The following TAF4B variants were observed in gnomAD, a reference collection of about 807,000 sequenced individuals.
TAF4B encodes TATA-box binding protein associated factor 4b.
TAF4B carries 38 observed loss-of-function variants against 86.4 expected under a neutral mutation model. The ratio of observed to expected loss-of-function variants is 0.44; its 90% confidence interval spans 0.34 to 0.58. The LOEUF (loss-of-function observed/expected upper bound fraction) is 0.58, where lower values mean the gene tolerates loss of function less well. Ranked by LOEUF, TAF4B falls within the 20% of genes least tolerant of loss-of-function variation. TAF4B has a pLI of 0.02. For missense variants in TAF4B, 988 were observed against 1,027.6 expected (o/e 0.96, Z 0.53); for synonymous variants, 388 against 391.2 (o/e 0.99, Z 0.10).
At chr18:26,278,506 C>T (rs1303601117) in intron 5 of TAF4B, among the ~76,000 whole-genome samples, 2 of 151,860 alleles carry the variant, frequency 1.3e-5, no homozygotes, top group Non-Finnish European at 2.9e-5. Flanking sequence ...CAGGGTTTCA[C>T]TTTGTTACCC....
intron 1 of TAF4B, among the ~76,000 whole-genome samples, chr18:26,240,785 T>G (rs1487517959): frequency 6.6e-6 from 1 of 152,204 alleles, no homozygotes; most frequent in Non-Finnish European, 1.5e-5. Flanking sequence ...TTGAGAGTTT[T>G]TAGCATGAAG....
rs185620669 is a variant in TAF4B, at chr18:26,242,692, C to T, written c.343+15416C>T. On this transcript the variant is annotated intron_variant, in intron 1 of 14. Transcript: ENST00000269142. Reference sequence around the variant, plus strand: ...TTCTTCCTAGCATCGATGGTCTTTACAATTTGGCATGTTTTTGCAGTGGCT... The same window carrying T: ...TTCTTCCTAGCATCGATGGTCTTTATAATTTGGCATGTTTTTGCAGTGGCT... Among the ~76,000 whole-genome samples the T allele has an allele frequency of 3.6e-3, 547 of 152,302 alleles. 3 individuals are homozygous for T. The highest frequency in any genetic ancestry group is 6.0e-3 in the Non-Finnish European group (408 of 68,022).
At chr18:26,375,377 A>G (rs955192061) in intron 14 of TAF4B, among the ~76,000 whole-genome samples, 5 of 152,160 alleles carry the variant, frequency 3.3e-5, no homozygotes, top group Admixed American at 3.3e-4. Flanking sequence ...GTACATTCAT[A>G]TATAACTTCT....
intron 14 of TAF4B, among the ~76,000 whole-genome samples, chr18:26,384,565 T>C (rs1333374973): frequency 6.6e-6 from 1 of 152,174 alleles, no homozygotes; most frequent in Non-Finnish European, 1.5e-5. Context: ...ACAAATGATT[T>C]CTCTTGAGTT....
At chr18:26,246,635 G>A (rs1253729756) in intron 1 of TAF4B, among the ~76,000 whole-genome samples, 20 of 151,696 alleles carry the variant, frequency 1.3e-4, no homozygotes, top group Non-Finnish European at 1.8e-4. Flanking sequence ...CCAGGTTCAA[G>A]CCATTCTCCT....
chr18:26,377,296 A>C (rs1262207597), intron 14 of TAF4B, among the ~76,000 whole-genome samples: 1 of 152,218 alleles, frequency 6.6e-6, no homozygotes, highest in African/African-American at 2.4e-5. Context: ...TAGTGAAGCC[A>C]TCTGGCCCTG....
intron 14 of TAF4B, among the ~76,000 whole-genome samples, chr18:26,358,050 G>C (rs1233006867): frequency 6.6e-6 from 1 of 151,976 alleles, no homozygotes; most frequent in Non-Finnish European, 1.5e-5. Context: ...CAGTCATATT[G>C]AATCTTCCAG....
intron 10 of TAF4B, among the ~76,000 whole-genome samples, chr18:26,318,794 T>G (rs1285147797): frequency 6.6e-6 from 1 of 152,260 alleles, no homozygotes; most frequent in Non-Finnish European, 1.5e-5. Flanking sequence ...CCCTAAACCC[T>G]GGAATTGTTT....
At chr18:26,370,222 A>G (rs1379399809) in intron 14 of TAF4B, among the ~76,000 whole-genome samples, 5 of 152,210 alleles carry the variant, frequency 3.3e-5, no homozygotes, top group Non-Finnish European at 7.4e-5. Flanking sequence ...AGAAATCCTT[A>G]TGTCTTGTAG....
At chr18:26,279,837 A>C (rs1410656051) in intron 5 of TAF4B, among the ~76,000 whole-genome samples, 1 of 152,102 alleles carries the variant, frequency 6.6e-6, no homozygotes, top group African/African-American at 2.4e-5. Flanking sequence ...CAGTCAGGAG[A>C]TTCAGACCAG....
chr18:26,257,524 A>G (rs1406344255), intron 1 of TAF4B, among the ~76,000 whole-genome samples: 3 of 152,110 alleles, frequency 2.0e-5, no homozygotes, highest in African/African-American at 7.2e-5. Flanking sequence ...ATTATTTTGT[A>G]CATTCACATT....
At chr18:26,237,010 T>G (rs1427236169) in intron 1 of TAF4B, among the ~76,000 whole-genome samples, 2 of 152,156 alleles carry the variant, frequency 1.3e-5, no homozygotes, top group Non-Finnish European at 2.9e-5. Flanking sequence ...TGAGTTATGG[T>G]GGACATCATT....
At chr18:26,360,999 T>C (rs2057324641) in intron 14 of TAF4B, among the ~76,000 whole-genome samples, 1 of 152,162 alleles carries the variant, frequency 6.6e-6, no homozygotes, top group Admixed American at 6.5e-5. Flanking sequence ...GGCCACTATA[T>C]TGGGCAGCAC....
At chr18:26,346,231 A>T (rs2057177735) in intron 13 of TAF4B, among the ~76,000 whole-genome samples, 1 of 152,150 alleles carries the variant, frequency 6.6e-6, no homozygotes, top group Non-Finnish European at 1.5e-5. Flanking sequence ...TAAAAAATAC[A>T]GTTGAGACCT....
At chr18:26,291,951 C>G (rs1227504081) in intron 7 of TAF4B, among the ~76,000 whole-genome samples, 2 of 151,992 alleles carry the variant, frequency 1.3e-5, no homozygotes, top group Non-Finnish European at 2.9e-5. Flanking sequence ...TTTATACATG[C>G]TTTAAATTTT....
intron 10 of TAF4B, among the ~76,000 whole-genome samples, chr18:26,320,556 T>G (rs2056953238): frequency 6.6e-6 from 1 of 152,172 alleles, no homozygotes; most frequent in African/African-American, 2.4e-5. Context: ...TATCAGAACA[T>G]CAGTTAATGC....
chr18:26,327,203 C>T (rs1378413015), intron 12 of TAF4B, 63 bp downstream of exon 12: 28 of 1,547,844 alleles, frequency 1.8e-5, no homozygotes, highest in East Asian at 6.8e-5. Context: ...GTGGCTTTAT[C>T]GTTGGTTGAC....
rs1978684537 is a variant in TAF4B, at chr18:26,391,157, G to A, written c.*1145G>A. The A allele has an allele frequency of 2.0e-5, 3 of 150,792 alleles. No individual in the cohort carries two copies. Among genetic ancestry groups the A allele is most frequent in the Admixed American group, 2.0e-4 (3 of 15,082 alleles). 9.3% of individuals were successfully genotyped at this position (150,792 alleles called of 1,614,324 possible). A position where few individuals can be genotyped will look rare whatever the true frequency, so the allele number is the denominator to read the frequency against. On this transcript the variant is annotated 3_prime_UTR_variant, in exon 15 of 15. Coordinates refer to ENST00000269142, the MANE Select transcript of TAF4B (RefSeq NM_005640.3). The stretch of plus-strand genomic sequence containing the variant: ...GGGATATGAGCTCTAAATATGAGAA[G>A]CAAGTTATATGTGTTCACCTGAGGA...
intron 1 of TAF4B, among the ~76,000 whole-genome samples, chr18:26,233,957 C>T (rs1447003383): frequency 6.6e-6 from 1 of 152,092 alleles, no homozygotes; most frequent in Non-Finnish European, 1.5e-5. Context: ...GAGATTTGGC[C>T]CTGTAAATAG....
Sources: allele counts gnomAD v4.1 joint callset (sites outside exome capture counted in the v4.1 genomes callset), GRCh38; gene constraint gnomAD v4.1.1; transcripts MANE v1.5; gene names NCBI Gene and HGNC (gene_info 2026-07-23, HGNC 2026-07-21).